NXPE2: variants seen among roughly 807,000 people sequenced by gnomAD.
The protein encoded by NXPE2 is NXPE family member 2.
Under a neutral mutation model 34.4 loss-of-function variants are expected in NXPE2, and 34 were observed. That is an observed-to-expected ratio of 0.99 (90% confidence interval 0.75 to 1.31). The LOEUF (loss-of-function observed/expected upper bound fraction) is 1.31. NXPE2 is among the 40% of genes most tolerant of loss of function. The probability of loss-of-function intolerance (pLI) is 0.00; values close to 1 mark genes in which losing one functional copy is unlikely to be tolerated. For missense variants in NXPE2, 649 were observed against 672.5 expected (o/e 0.97, Z 0.39); for synonymous variants, 235 against 231.3 (o/e 1.02, Z -0.15).
At chr11:114,667,470 CAAA>C in the NXPE2 span, among the ~76,000 whole-genome samples, 395 of 152,186 alleles carry the variant, frequency 2.6e-3, 1 homozygote, top group African/African-American at 9.2e-3. Context: ...ACTCCACCCT[CAAA>C]GAAGTGGAAC....
the NXPE2 span, among the ~76,000 whole-genome samples, chr11:114,602,758 A>G: frequency 6.9e-6 from 1 of 144,876 alleles, no homozygotes; most frequent in Non-Finnish European, 1.5e-5. Flanking sequence ...ATATATAAGT[A>G]TCTCATATAT....
the NXPE2 span, among the ~76,000 whole-genome samples, chr11:114,510,162 A>G: frequency 5.3e-5 from 8 of 152,244 alleles, no homozygotes; most frequent in Admixed American, 1.3e-4. Context: ...AAATAATCCA[A>G]CAAATGTAAA....
chr11:114,727,316 T>G, the NXPE2 span, among the ~76,000 whole-genome samples: 1 of 152,038 alleles, frequency 6.6e-6, no homozygotes, highest in Non-Finnish European at 1.5e-5. Flanking sequence ...CTCTCATATC[T>G]TCAGGAGTAA....
the NXPE2 span, among the ~76,000 whole-genome samples, chr11:114,722,559 G>A: frequency 1.3e-5 from 2 of 152,134 alleles, no homozygotes; most frequent in African/African-American, 4.8e-5. Context: ...GTGACAAAAT[G>A]TGGGCAGAGA....
At chr11:114,739,756 G>A in the NXPE2 span, among the ~76,000 whole-genome samples, 1 of 151,924 alleles carries the variant, frequency 6.6e-6, no homozygotes. Flanking sequence ...CTTGATCACT[G>A]GTAGGTAACC....
At chr11:114,612,635 G>C in the NXPE2 span, among the ~76,000 whole-genome samples, 1 of 151,930 alleles carries the variant, frequency 6.6e-6, no homozygotes, top group Non-Finnish European at 1.5e-5. Context: ...AATAAGTATT[G>C]CCTCGTGGGT....
chr11:114,524,175 T>C, the NXPE2 span, among the ~76,000 whole-genome samples: 3 of 152,206 alleles, frequency 2.0e-5, no homozygotes, highest in Non-Finnish European at 4.4e-5. Context: ...GTTTTGCTTT[T>C]AAAGCATGAC....
chr11:114,703,889 G>C, intron 3 of NXPE2, 102 bp from the exon 4 acceptor site: 1 of 813,966 alleles, frequency 1.2e-6, no homozygotes, highest in Non-Finnish European at 2.0e-6. Flanking sequence ...AATAAGGGGG[G>C]AAAGGCATTT....
the NXPE2 span, among the ~76,000 whole-genome samples, chr11:114,572,723 C>A: frequency 4.0e-5 from 6 of 151,654 alleles, no homozygotes; most frequent in Non-Finnish European, 8.8e-5. Flanking sequence ...ATGCTAAATG[C>A]CCCAACCTAA....
the NXPE2 span, chr11:114,580,276 G>GC: frequency 6.2e-7 from 1 of 1,613,934 alleles, no homozygotes; most frequent in Non-Finnish European, 8.5e-7. Context: ...CTCCAGACAT[G>GC]CCCACTGGGG....
At chr11:114,742,482 C>G in the NXPE2 span, among the ~76,000 whole-genome samples, 1 of 152,208 alleles carries the variant, frequency 6.6e-6, no homozygotes, top group Non-Finnish European at 1.5e-5. Flanking sequence ...AAGCTGAGTG[C>G]TCACTCATGC....
the NXPE2 span, among the ~76,000 whole-genome samples, chr11:114,613,422 GATA>G: frequency 2.0e-5 from 3 of 151,808 alleles, no homozygotes; most frequent in South Asian, 4.1e-4. Context: ...TTACCTGGTG[GATA>G]ATAAGTGTTG....
At chr11:114,566,308 C>T in the NXPE2 span, among the ~76,000 whole-genome samples, 1 of 152,008 alleles carries the variant, frequency 6.6e-6, no homozygotes, top group African/African-American at 2.4e-5. Context: ...CCAGGGCACT[C>T]CAACTTTAGA....
At chr11:114,604,551 T>C in the NXPE2 span, among the ~76,000 whole-genome samples, 1 of 152,034 alleles carries the variant, frequency 6.6e-6, no homozygotes, top group African/African-American at 2.4e-5. Flanking sequence ...TCCTTGTGGA[T>C]AACCACTGTT....
At chr11:114,554,191 T>C in the NXPE2 span, 13 of 983,570 alleles carry the variant, frequency 1.3e-5, no homozygotes, top group Non-Finnish European at 1.4e-5. Context: ...TCAGCTGTAA[T>C]AGAAACTTGT....
At chr11:114,577,114 C>T in the NXPE2 span, among the ~76,000 whole-genome samples, 56 of 132,116 alleles carry the variant, frequency 4.2e-4, no homozygotes, top group South Asian at 3.1e-3. Flanking sequence ...TATATATACA[C>T]ATATATATAA....
At chr11:114,737,350 G>T in the NXPE2 span, among the ~76,000 whole-genome samples, 4 of 152,166 alleles carry the variant, frequency 2.6e-5, no homozygotes, top group East Asian at 7.8e-4. Flanking sequence ...GGTAGAGATG[G>T]GTTTGGGGCA....
chr11:114,745,252 G>A, the NXPE2 span, among the ~76,000 whole-genome samples: 1 of 152,250 alleles, frequency 6.6e-6, no homozygotes, highest in South Asian at 2.1e-4. Flanking sequence ...TGTACAAGAA[G>A]CATGGCACCA....
chr11:114,740,038 T>C, the NXPE2 span, among the ~76,000 whole-genome samples: 3,020 of 152,226 alleles, frequency 0.02, 97 homozygotes, highest in African/African-American at 0.07. Flanking sequence ...AAACACTATA[T>C]ATATACTATG....
Sources: gnomAD v4.1 joint callset for allele counts (sites outside exome capture counted in the v4.1 genomes callset) on GRCh38, gnomAD v4.1.1 for gene constraint, MANE v1.5 for transcripts, NCBI Gene and HGNC (gene_info 2026-07-23, HGNC 2026-07-21) for gene names.